RFX2: variants seen among roughly 807,000 people sequenced by gnomAD.
The protein encoded by RFX2 is DNA-binding protein RFX2.
In RFX2, 20 loss-of-function variants were observed where a neutral mutation model predicts 87.8. The ratio of observed to expected loss-of-function variants is 0.23; its 90% CI spans 0.16 to 0.33. The LOEUF is 0.33. Among genes scored for constraint, RFX2 ranks in the 10% least tolerant of loss-of-function variants. RFX2 has a pLI of 1.00. For synonymous variants in RFX2, 397 were observed against 431.3 expected, an observed-to-expected ratio of 0.92 and a Z score of 0.98; for missense variants, 767 against 1,012.3, an observed-to-expected ratio of 0.76 and a Z score of 3.29.
intron 5 of RFX2, among the ~76,000 whole-genome samples, chr19:6,032,076 A>G (rs918801684): frequency 6.6e-6 from 1 of 152,152 alleles, no homozygotes; most frequent in African/African-American, 2.4e-5. Context: ...TAAAATGCTA[A>G]CAACCCTTTG....
intron 1 of RFX2, among the ~76,000 whole-genome samples, chr19:6,052,900 GA>G (rs903798257): frequency 3.4e-4 from 52 of 151,934 alleles, no homozygotes; most frequent in African/African-American, 6.3e-4. Context: ...TATTGTGGGT[GA>G]AAAAAAGAAG....
chr19:6,100,706 C>T (rs2144905270), intron 1 of RFX2, among the ~76,000 whole-genome samples: 1 of 152,274 alleles, frequency 6.6e-6, no homozygotes. Flanking sequence ...ACTGACTCCA[C>T]CATCCGGCAG....
rs1417454654 is a variant in RFX2 at position 6,026,412 on chromosome 19, C to A, written c.523-175G>T. 16 of 621,464 alleles carry A rather than the reference C, an allele frequency of 2.6e-5. No homozygotes were observed. The highest frequency in any genetic ancestry group is 3.7e-5 in the African/African-American group (2 of 54,116). 38.5% of individuals were successfully genotyped at this position (621,464 alleles called of 1,614,324 possible). A position where few individuals can be genotyped will look rare whatever the true frequency, so the allele number is the denominator to read the frequency against. On this transcript the variant is annotated intron_variant, in intron 5 of 17. Coordinates refer to ENST00000303657, the MANE Select transcript of RFX2 (RefSeq NM_000635.4). This position sits in a 1 kb window ranked among gnomAD's most constrained non-coding sequence, Gnocchi z 4.5. Reference sequence around the variant, plus strand: ...CAGGGCGGGGGTGAGTTAAATTGTGCATGAAAGCTGCGGTAGGGAGTGTTG... The same window carrying A: ...CAGGGCGGGGGTGAGTTAAATTGTGAATGAAAGCTGCGGTAGGGAGTGTTG...
chr19:6,046,741 C>T (rs867665125), intron 2 of RFX2, among the ~76,000 whole-genome samples: 24 of 150,412 alleles, frequency 1.6e-4, no homozygotes, highest in African/African-American at 5.4e-4. Flanking sequence ...GACCACAGGA[C>T]GTGCACCACT....
chr19:6,016,200 G>A lies in RFX2; in HGVS notation c.669C>T (p.His223=). ...TGTGCTCCTGGCAGTGCCGAAGGTA[G>A]TGGTTGTAAAGAGAACTTCTGGGGA... The part of the protein sequence containing the change: ...VSLPRSSLYN[H]YLRHCQEHKL... Residue 223 remains histidine (H), a synonymous_variant, in exon 7 of 18, where the codon CAC becomes CAT. Transcript: ENST00000303657. The surrounding 1 kb of genome is among the most constrained non-coding windows in gnomAD (Gnocchi z 5.4). 1 of 1,614,100 alleles carries A rather than the reference G, an allele frequency of 6.2e-7. No individual in the cohort carries two copies. Among genetic ancestry groups the A allele is most frequent in the Non-Finnish European group, 8.5e-7 (1 of 1,179,934 alleles).
chr19:6,085,920 C>T (rs567072393), intron 1 of RFX2, among the ~76,000 whole-genome samples: 83 of 151,682 alleles, frequency 5.5e-4, no homozygotes, highest in African/African-American at 1.9e-3. Flanking sequence ...AGTGAGACCT[C>T]GTCTCTATAA....
At chr19:6,068,016 A>G (rs2087538439) in intron 1 of RFX2, 1 of 152,174 alleles carries the variant, frequency 6.6e-6, no homozygotes, top group African/African-American at 2.4e-5. Flanking sequence ...TACTGTTAGA[A>G]TTTGAATCTG....
rs971094472 is a variant in RFX2, at chr19:6,013,488, TTC to T, written c.780-385_780-384del. Among the ~76,000 whole-genome samples, 2 of 144,102 alleles carry T rather than the reference TTC, an allele frequency of 1.4e-5. No homozygotes were observed. Among genetic ancestry groups the T allele is most frequent in the East Asian group, 1.9e-4 (1 of 5,134 alleles). 94.5% of individuals were successfully genotyped at this position (144,102 alleles called of 152,430 possible). A position where few individuals can be genotyped will look rare whatever the true frequency, so the allele number is the denominator to read the frequency against. ...GGCGTGAGCCACTGCGCCTGGCCTC[TTC>T]TCTCTTTTTTTTTTTTTTCAGAAAC... On this transcript the variant is annotated intron_variant, in intron 7 of 17. Coordinates refer to ENST00000303657, the MANE Select transcript of RFX2 (RefSeq NM_000635.4). This position sits in a 1 kb window ranked among gnomAD's most constrained non-coding sequence, Gnocchi z 4.1.
chr19:5,995,473 AG>A (rs1360542606), intron 17 of RFX2, 127 bp downstream of exon 17: 10 of 903,642 alleles, frequency 1.1e-5, no homozygotes, highest in South Asian at 8.8e-5. Context: ...GACAGATCCC[AG>A]GGCCCTCACC....
intron 1 of RFX2, chr19:6,072,777 C>T: frequency 1.4e-6 from 1 of 721,916 alleles, no homozygotes; most frequent in African/African-American, 1.8e-5. Flanking sequence ...GCCCCTCTCT[C>T]TTCAGTGCTG....
Position 6,002,112 on chromosome 19 carries a change from T to A in RFX2, c.1651-89A>T, listed in dbSNP as rs2086497673. Reference sequence around the variant, plus strand: ...ACCTAGCCATGCTCAGGGCGGGACATCGTGCTGTGCTTGAGCCTTCTCGCC... The same window carrying A: ...ACCTAGCCATGCTCAGGGCGGGACAACGTGCTGTGCTTGAGCCTTCTCGCC... On this transcript the variant is annotated intron_variant, in intron 14 of 17. Transcript: ENST00000303657. The surrounding 1 kb of genome is among the most constrained non-coding windows in gnomAD (Gnocchi z 6.7). The A allele has an allele frequency of 1.1e-5, 13 of 1,189,166 alleles. No homozygotes were observed. Among genetic ancestry groups the A allele is most frequent in the Non-Finnish European group, 1.5e-5 (13 of 865,708 alleles). 73.7% of individuals were successfully genotyped at this position (1,189,166 alleles called of 1,614,324 possible). A position where few individuals can be genotyped will look rare whatever the true frequency, so the allele number is the denominator to read the frequency against.
In RFX2 at chr19:6,013,136, CT is replaced by C; in HGVS notation, c.780-32del. The C allele has an allele frequency of 6.4e-7, 1 of 1,557,988 alleles. No homozygotes were observed. Among genetic ancestry groups the C allele is most frequent in the South Asian group, 1.2e-5 (1 of 83,552 alleles). On this transcript the variant is annotated intron_variant, in intron 7 of 17. Coordinates refer to ENST00000303657, the MANE Select transcript of RFX2 (RefSeq NM_000635.4). This position sits in a 1 kb window ranked among gnomAD's most constrained non-coding sequence, Gnocchi z 4.1. ...AACCAAACATCCCAGGGTCAGCTCC[CT>C]TTGCAGATGTCCTGAACAACAAGAC...
chr19:6,014,042 CG>C (rs1277165940), intron 7 of RFX2, among the ~76,000 whole-genome samples: 1 of 151,952 alleles, frequency 6.6e-6, no homozygotes, highest in African/African-American at 2.4e-5. Flanking sequence ...TAGTTTATTA[CG>C]GGAGAATGAT....
rs978742252 is a variant in RFX2 at position 6,016,514 on chromosome 19, C to T, written c.598-243G>A. ...CAAGCAATTTTCCTCCCTCAGCCTCCCAGGTAGCTGGGATTACAGGTGTCC... is the reference window on the plus strand; with the variant it reads ...CAAGCAATTTTCCTCCCTCAGCCTCTCAGGTAGCTGGGATTACAGGTGTCC... On this transcript the variant is annotated intron_variant, in intron 6 of 17. Coordinates refer to ENST00000303657, the MANE Select transcript of RFX2 (RefSeq NM_000635.4). The surrounding 1 kb of genome is among the most constrained non-coding windows in gnomAD (Gnocchi z 5.4). Among the ~76,000 whole-genome samples the T allele has an allele frequency of 1.5e-4, 23 of 152,258 alleles. No individual in the cohort carries two copies. Among genetic ancestry groups the T allele is most frequent in the African/African-American group, 5.5e-4 (23 of 41,566 alleles).
chr19:6,019,964 G>A (rs1370810377), intron 6 of RFX2: 1 of 152,338 alleles, frequency 6.6e-6, no homozygotes, highest in Non-Finnish European at 1.5e-5. Context: ...AGCAACAGAG[G>A]GTGTCTGGGT....
Position 6,074,295 on chromosome 19 carries a change from C to T in RFX2, c.-8-26791G>A, listed in dbSNP as rs1404369539. Among the ~76,000 whole-genome samples, 1 of 152,164 alleles carries T rather than the reference C, an allele frequency of 6.6e-6. No individual in the cohort carries two copies. The highest frequency in any genetic ancestry group is 2.4e-5 in the African/African-American group (1 of 41,438). ...AGATGCCACAGTGTGGAGGAAGCTC[C>T]TCCTCTCATCCCAAGCTAGCCCCTT... On this transcript the variant is annotated intron_variant, in intron 1 of 17. Coordinates refer to ENST00000303657, the MANE Select transcript of RFX2 (RefSeq NM_000635.4). This position sits in a 1 kb window ranked among gnomAD's most constrained non-coding sequence, Gnocchi z 5.2.
intron 1 of RFX2, among the ~76,000 whole-genome samples, chr19:6,055,956 C>T (rs1018379404): frequency 6.6e-5 from 10 of 151,370 alleles, no homozygotes; most frequent in African/African-American, 2.4e-4. Flanking sequence ...GAAGTTGAGT[C>T]CAAAAGAGTA....
chr19:6,002,131 T>G lies in RFX2; in HGVS notation c.1651-108A>C. 2.0e-6 allele frequency: 2 copies of G among 989,634 alleles called. No homozygotes were observed. Among genetic ancestry groups the G allele is most frequent in the Non-Finnish European group, 2.9e-6 (2 of 696,948 alleles). 61.3% of individuals were successfully genotyped at this position (989,634 alleles called of 1,614,324 possible). On this transcript the variant is annotated intron_variant, in intron 14 of 17. Transcript: ENST00000303657. This position sits in a 1 kb window ranked among gnomAD's most constrained non-coding sequence, Gnocchi z 6.7. ...GGGACATCGTGCTGTGCTTGAGCCT[T>G]CTCGCCCTTGACCTTGACAGCTGCA...
chr19:6,018,135 C>T (rs1599856408), intron 6 of RFX2, among the ~76,000 whole-genome samples: 1 of 152,118 alleles, frequency 6.6e-6, no homozygotes, highest in African/African-American at 2.4e-5. Flanking sequence ...ACCACCACAT[C>T]TGGCTTATGT....
Sources: allele counts gnomAD v4.1 joint callset (sites outside exome capture counted in the v4.1 genomes callset), GRCh38; gene constraint gnomAD v4.1.1; non-coding constraint Gnocchi (gnomAD v3.1); transcripts MANE v1.5; gene names NCBI Gene and HGNC (gene_info 2026-07-23, HGNC 2026-07-21).